LMOD1: variants seen among roughly 807,000 people sequenced by gnomAD.
LMOD1 encodes the protein leiomodin-1.
LMOD1 carries 8 observed loss-of-function variants against 36.5 expected under a neutral mutation model. The observed-to-expected ratio is 0.22, with a 90% CI of 0.13 to 0.40. The LOEUF is 0.40. Among genes scored for constraint, LMOD1 ranks in the 10% least tolerant of loss-of-function variants. The pLI is 1.00. For synonymous variants in LMOD1, 284 were observed against 288.7 expected (o/e 0.98, Z 0.17); for missense variants, 630 against 751.1 (o/e 0.84, Z 1.88).
chr1:201,926,507 T>C (rs1296065625), intron 1 of LMOD1, among the ~76,000 whole-genome samples: 10 of 152,188 alleles, frequency 6.6e-5, no homozygotes, highest in African/African-American at 2.4e-4. Context: ...TGTCCAAATA[T>C]AGGCAAATGG....
At chr1:201,910,486 G>A (rs935336187) in intron 1 of LMOD1, among the ~76,000 whole-genome samples, 5 of 151,990 alleles carry the variant, frequency 3.3e-5, no homozygotes, top group African/African-American at 1.2e-4. Context: ...ATTTCACCAT[G>A]TTGCCCAGTC....
chr1:201,900,563 C>A lies in LMOD1; in HGVS notation c.450G>T (p.Lys150Asn). 2 of 1,613,858 alleles carry A rather than the reference C, an allele frequency of 1.2e-6. No homozygotes were observed. The highest frequency in any genetic ancestry group is 1.7e-6 in the Non-Finnish European group (2 of 1,179,868). The stretch of plus-strand genomic sequence containing the variant: ...CAATGCCCCGGATGATCTTCTCCTC[C>A]TTGGGCTTCTCGCCACTCTTGCCAC... Reference protein sequence around the residue: ...EAGGKSGEKPKEEKIIRGIDK... With the variant: ...EAGGKSGEKPNEEKIIRGIDK... The change falls in exon 2 of 3, where the codon AAG (lysine) becomes AAT (asparagine). Residue 150 changes from lysine to asparagine, a missense_variant. Around this residue, in one of 3 missense-constraint regions of LMOD1, gnomAD observed 405 missense variants for 400.6 expected, o/e 1.01. Transcript: ENST00000367288.
intron 1 of LMOD1, among the ~76,000 whole-genome samples, chr1:201,939,159 G>A (rs538693853): frequency 1.3e-3 from 184 of 144,676 alleles, no homozygotes; most frequent in Admixed American, 3.0e-3. Flanking sequence ...TTTTAATTTC[G>A]TGAGAGATAA....
chr1:201,905,017 C>T (rs181170784), intron 1 of LMOD1, among the ~76,000 whole-genome samples: 32 of 152,354 alleles, frequency 2.1e-4, no homozygotes, highest in Admixed American at 1.8e-3. Flanking sequence ...CTAGACCTTA[C>T]TCAACTGTCT....
intron 1 of LMOD1, among the ~76,000 whole-genome samples, chr1:201,930,469 G>A (rs1477884798): frequency 6.6e-6 from 1 of 152,168 alleles, no homozygotes; most frequent in Non-Finnish European, 1.5e-5. Context: ...GAGCAGGACA[G>A]CCCAGGGTTA....
intron 1 of LMOD1, among the ~76,000 whole-genome samples, chr1:201,935,051 C>T (rs980914242): frequency 6.6e-6 from 1 of 152,244 alleles, no homozygotes; most frequent in African/African-American, 2.4e-5. Flanking sequence ...AATCTCCCAT[C>T]CCCTCTTCCC....
At chr1:201,912,264 C>T (rs1227943487) in intron 1 of LMOD1, among the ~76,000 whole-genome samples, 1 of 152,210 alleles carries the variant, frequency 6.6e-6, no homozygotes, top group Non-Finnish European at 1.5e-5. Context: ...TCCCTTCGCA[C>T]AGGCATTGCT....
chr1:201,920,707 C>G (rs1681689427), intron 1 of LMOD1, among the ~76,000 whole-genome samples: 1 of 152,162 alleles, frequency 6.6e-6, no homozygotes, highest in Non-Finnish European at 1.5e-5. Flanking sequence ...GTGGCCTCTA[C>G]ACAGTGCAGG....
At chr1:201,904,441 C>G (rs1681380714) in intron 1 of LMOD1, among the ~76,000 whole-genome samples, 1 of 152,178 alleles carries the variant, frequency 6.6e-6, no homozygotes, top group Non-Finnish European at 1.5e-5. Flanking sequence ...AACTCCTGAC[C>G]TCAGGTGATC....
chr1:201,933,534 TATATATAATAC>T (rs1202816575), intron 1 of LMOD1, among the ~76,000 whole-genome samples: 7,353 of 108,606 alleles, frequency 0.068, 289 homozygotes, highest in East Asian at 0.19. Context: ...TCTCTCTCTA[TATATATAATAC>T]ATATATATAT....
chr1:201,900,863 G>T, intron 1 of LMOD1, 112 bp from the exon 2 acceptor site: 2 of 926,430 alleles, frequency 2.2e-6, no homozygotes, highest in Non-Finnish European at 3.2e-6. Context: ...GCCTCTGAAG[G>T]ACAGTTGTGC....
chr1:201,946,381 C>A lies in LMOD1; in HGVS notation c.-41G>T, dbSNP rs373100455. The A allele has an allele frequency of 1.2e-5, 19 of 1,600,296 alleles. No homozygotes were observed. The highest frequency in any genetic ancestry group is 5.1e-6 in the Non-Finnish European group (6 of 1,171,902). ...TGTGGCTGCCAGGGGCTATCAGAGT[C>A]CTGGTGGGCAGGGAAGGGAGAGGGG... On this transcript the variant is annotated 5_prime_UTR_variant, in exon 1 of 3. Transcript: ENST00000367288.
intron 1 of LMOD1, among the ~76,000 whole-genome samples, chr1:201,916,953 C>T (rs1260286614): frequency 1.3e-5 from 2 of 152,076 alleles, no homozygotes; most frequent in South Asian, 2.1e-4. Context: ...AAAAGGGCAG[C>T]GGTTTGTGAA....
intron 1 of LMOD1, among the ~76,000 whole-genome samples, chr1:201,901,544 ATATATATACATATATATATG>A (rs1681308082): frequency 2.1e-4 from 10 of 47,464 alleles, no homozygotes; most frequent in African/African-American, 5.8e-4. Context: ...ATATATATAT[ATATATATACATATATATATG>A]TATATATATA....
At chr1:201,923,451 T>C in intron 1 of LMOD1, among the ~76,000 whole-genome samples, 1 of 152,198 alleles carries the variant, frequency 6.6e-6, no homozygotes, top group Non-Finnish European at 1.5e-5. Flanking sequence ...GCCAGCACAG[T>C]GGCTCAAGTC....
chr1:201,898,734 G>C (rs1463480988), intron 2 of LMOD1, among the ~76,000 whole-genome samples: 1 of 152,162 alleles, frequency 6.6e-6, no homozygotes, highest in Non-Finnish European at 1.5e-5. Flanking sequence ...GGGTGTCCAG[G>C]GATGGCTCCT....
At chr1:201,940,181 C>CTTTTT (rs1558244286) in intron 1 of LMOD1, among the ~76,000 whole-genome samples, 1 of 147,208 alleles carries the variant, frequency 6.8e-6, no homozygotes. Context: ...TCCAGCCAAG[C>CTTTTT]TCTTTTTTTT....
intron 1 of LMOD1, among the ~76,000 whole-genome samples, chr1:201,934,532 T>C (rs1030748484): frequency 6.6e-6 from 1 of 152,188 alleles, no homozygotes; most frequent in African/African-American, 2.4e-5. Flanking sequence ...TGCTATAATA[T>C]TCCTTGTCTT....
chr1:201,900,590 A>G lies in LMOD1; in HGVS notation c.423T>C (p.Ala141=), dbSNP rs1681284103. The change falls in exon 2 of 3, where the codon GCT becomes GCC. Residue 141 remains alanine (A), a synonymous_variant. Transcript: ENST00000367288. ...TGGGCTTCTCGCCACTCTTGCCACC[A>G]GCTTCATCTCTGTCTCTAGAGAAGC... ...KKSFSRDRDE[A]GGKSGEKPKE... 1 of 1,613,564 alleles carries G rather than the reference A, an allele frequency of 6.2e-7. No homozygotes were observed. The highest frequency in any genetic ancestry group is 8.5e-7 in the Non-Finnish European group (1 of 1,179,828).
Sources: gnomAD v4.1 joint callset for allele counts (sites outside exome capture counted in the v4.1 genomes callset) on GRCh38, gnomAD v4.1.1 for gene constraint, gnomAD v4.1.1 regional missense constraint, MANE v1.5 for transcripts, NCBI Gene and HGNC (gene_info 2026-07-23, HGNC 2026-07-21) for gene names.